Variants in TENM4 observed in about 807,000 individuals in gnomAD.
TENM4 encodes teneurin transmembrane protein 4.
In TENM4, 82 loss-of-function variants were observed where a neutral mutation model predicts 243.3. The ratio of observed to expected loss-of-function variants is 0.34; its 90% CI spans 0.28 to 0.40. The LOEUF is 0.40. Ranked by LOEUF, TENM4 falls within the 10% of genes least tolerant of loss-of-function variation. The pLI, the probability that TENM4 is intolerant of heterozygous loss-of-function variation, is 1.00. For synonymous variants in TENM4, 1,412 were observed against 1,456.3 expected (o/e 0.97, Z 0.69); for missense variants, 3,138 against 3,673.3 (o/e 0.85, Z 3.77).
At chr11:79,214,116 C>G (rs895178723) in intron 3 of TENM4, among the ~76,000 whole-genome samples, 1 of 152,080 alleles carries the variant, frequency 6.6e-6, no homozygotes, top group Non-Finnish European at 1.5e-5. Context: ...CTCAGCCTCC[C>G]GAGTAGCTGG....
chr11:78,897,518 G>A lies in TENM4; in HGVS notation c.749+5750C>T, dbSNP rs185254630. Among the ~76,000 whole-genome samples, 8 of 152,254 alleles carry A rather than the reference G, an allele frequency of 5.3e-5. No homozygotes were observed. The East Asian group carries it at 1.4e-3, about 26-fold the overall frequency. ...CAAGAACTTAGAACAGCACCTGGCC[G>A]TTCCCAGTAAGGGCTCTCTCTACTG... is the stretch of plus-strand genomic sequence containing the variant. On this transcript the variant is annotated intron_variant, in intron 7 of 33. Transcript: ENST00000278550.
chr11:78,855,826 G>T, intron 11 of TENM4, 138 bp downstream of exon 11: 2 of 794,874 alleles, frequency 2.5e-6, no homozygotes, highest in Non-Finnish European at 4.0e-6. Flanking sequence ...GTCTGAGAGG[G>T]ACTACATGAA....
intron 1 of TENM4, among the ~76,000 whole-genome samples, chr11:79,437,587 G>A (rs2135627631): frequency 6.6e-6 from 1 of 152,314 alleles, no homozygotes; most frequent in East Asian, 1.9e-4. Context: ...GCGGCGTCCC[G>A]CGGACTCCGG....
chr11:79,080,459 G>C (rs1424392255), intron 4 of TENM4, among the ~76,000 whole-genome samples: 1 of 152,342 alleles, frequency 6.6e-6, no homozygotes, highest in Non-Finnish European at 1.5e-5. Flanking sequence ...CCCTGGGCCG[G>C]GTCTGAAAAG....
intron 4 of TENM4, among the ~76,000 whole-genome samples, chr11:79,123,222 C>T (rs1861781286): frequency 6.6e-6 from 1 of 152,176 alleles, no homozygotes; most frequent in Admixed American, 6.5e-5. Context: ...CAGGACCAAA[C>T]CTATATTAAC....
intron 2 of TENM4, among the ~76,000 whole-genome samples, chr11:79,290,151 C>T (rs750703532): frequency 2.0e-5 from 3 of 152,248 alleles, no homozygotes; most frequent in Middle Eastern, 3.4e-3. Context: ...TGGGTTGGCT[C>T]TATTCCTCTC....
At chr11:79,188,686 A>G (rs1320196154) in intron 3 of TENM4, among the ~76,000 whole-genome samples, 1 of 151,148 alleles carries the variant, frequency 6.6e-6, no homozygotes, top group Non-Finnish European at 1.5e-5. Flanking sequence ...GGAAGAGGAG[A>G]AAAGAGAGAG....
chr11:78,674,910 G>T (rs954662625), intron 30 of TENM4, among the ~76,000 whole-genome samples: 2 of 151,816 alleles, frequency 1.3e-5, no homozygotes, highest in African/African-American at 2.4e-5. Context: ...CTGTCGCCCA[G>T]GCTGGAGTGC....
chr11:79,179,772 A>C (rs111491745), intron 3 of TENM4, among the ~76,000 whole-genome samples: 20 of 151,880 alleles, frequency 1.3e-4, no homozygotes, highest in African/African-American at 4.6e-4. Context: ...AAGGTGCTCA[A>C]AATAGTTTAG....
intron 1 of TENM4, among the ~76,000 whole-genome samples, chr11:79,344,670 C>A (rs534784347): frequency 5.3e-5 from 8 of 152,300 alleles, no homozygotes; most frequent in Admixed American, 4.6e-4. Flanking sequence ...TCATGCTGGG[C>A]CCTTCCTTTT....
chr11:78,788,089 T>G (rs1202109031), intron 15 of TENM4, among the ~76,000 whole-genome samples: 1 of 152,236 alleles, frequency 6.6e-6, no homozygotes, highest in Admixed American at 6.5e-5. Context: ...TCCTTTTCAT[T>G]TCTTTCAAAC....
At chr11:79,246,069 A>G (rs1284929029) in intron 2 of TENM4, among the ~76,000 whole-genome samples, 2 of 152,106 alleles carry the variant, frequency 1.3e-5, no homozygotes, top group Non-Finnish European at 1.5e-5. Flanking sequence ...TAACGTCCTC[A>G]TATAATTTCA....
At chr11:79,207,213 G>A (rs1863865871) in intron 3 of TENM4, among the ~76,000 whole-genome samples, 1 of 152,180 alleles carries the variant, frequency 6.6e-6, no homozygotes, top group Non-Finnish European at 1.5e-5. Flanking sequence ...TATCCAAAGG[G>A]CTGCACATAC....
intron 6 of TENM4, among the ~76,000 whole-genome samples, chr11:79,036,921 G>C (rs1047050178): frequency 6.8e-6 from 1 of 147,806 alleles, no homozygotes; most frequent in Admixed American, 6.9e-5. Context: ...TGAGGCAGGA[G>C]AATGGCGTGA....
In TENM4 at chr11:79,195,870, G is replaced by A. The variant is rs181803281; in HGVS notation, c.-163+19938C>T. Among the ~76,000 whole-genome samples, 288 of 152,220 alleles carry A rather than the reference G, an allele frequency of 1.9e-3. 1 individual carries two copies. Among genetic ancestry groups the A allele is most frequent in the Middle Eastern group, 3.4e-3 (1 of 294 alleles). ...GAGGGGCCAGGAGTGGAATTTTATG[G>A]TTTGGCTGCATCCCCACACAAATCT... On this transcript the variant is annotated intron_variant, in intron 3 of 33. Transcript: ENST00000278550.
chr11:79,416,132 A>G (rs543527627), intron 1 of TENM4, among the ~76,000 whole-genome samples: 1 of 152,350 alleles, frequency 6.6e-6, no homozygotes, highest in South Asian at 2.1e-4. Flanking sequence ...GTGTTTATCC[A>G]TTCACCTGTT....
At chr11:79,039,852 A>G (rs1859473816) in intron 6 of TENM4, among the ~76,000 whole-genome samples, 1 of 152,200 alleles carries the variant, frequency 6.6e-6, no homozygotes, top group Non-Finnish European at 1.5e-5. Context: ...CTGTGAAAGA[A>G]TGAAATGAGA....
At chr11:79,322,181 A>G (rs945439884) in intron 1 of TENM4, among the ~76,000 whole-genome samples, 2 of 152,082 alleles carry the variant, frequency 1.3e-5, no homozygotes, top group African/African-American at 4.8e-5. Flanking sequence ...GCTGGGCTCC[A>G]CTGGCAAAGT....
intron 3 of TENM4, among the ~76,000 whole-genome samples, chr11:79,157,421 C>G (rs946771198): frequency 3.9e-5 from 6 of 152,144 alleles, no homozygotes; most frequent in African/African-American, 1.4e-4. Flanking sequence ...TTCTTTCATA[C>G]CTTCACTCAC....
Sources: allele counts gnomAD v4.1 joint callset (sites outside exome capture counted in the v4.1 genomes callset), GRCh38; gene constraint gnomAD v4.1.1; transcripts MANE v1.5; gene names NCBI Gene and HGNC (gene_info 2026-07-23, HGNC 2026-07-21).